IL23R: variants seen among roughly 807,000 people sequenced by gnomAD.
IL23R encodes interleukin-23 receptor.
In IL23R, 34 loss-of-function variants were observed where a neutral mutation model predicts 56.9. That is an observed-to-expected ratio of 0.60 (90% CI 0.45 to 0.80). The LOEUF (loss-of-function observed/expected upper bound fraction) is 0.80, where lower values mean the gene tolerates loss of function less well. Ranked by LOEUF, IL23R falls within the 30% of genes least tolerant of loss-of-function variation. The pLI is 0.00. For missense variants in IL23R, 635 were observed against 730.0 expected (o/e 0.87, Z 1.50); for synonymous variants, 230 against 249.2 (o/e 0.92, Z 0.73).
At chr1:67,140,443 A>T (rs1646626118) in intron 1 of IL23R, among the ~76,000 whole-genome samples, 1 of 152,192 alleles carries the variant, frequency 6.6e-6, no homozygotes. Context: ...CCTACAAATG[A>T]TCATTAATTA....
intron 9 of IL23R, among the ~76,000 whole-genome samples, chr1:67,252,480 G>A (rs1553299110): frequency 6.6e-6 from 1 of 151,824 alleles, no homozygotes; most frequent in Non-Finnish European, 1.5e-5. Context: ...ACAGGAATTT[G>A]CTCAAAGAAA....
chr1:67,218,400 C>T (rs1053010928), intron 6 of IL23R, among the ~76,000 whole-genome samples: 1 of 147,942 alleles, frequency 6.8e-6, no homozygotes, highest in Non-Finnish European at 1.5e-5. Context: ...CTTGTAGAAT[C>T]TGCAATAACC....
intron 4 of IL23R, among the ~76,000 whole-genome samples, chr1:67,188,307 C>A (rs1184610419): frequency 6.6e-6 from 1 of 151,722 alleles, no homozygotes; most frequent in Non-Finnish European, 1.5e-5. Flanking sequence ...CAAAGGAGTT[C>A]CTCCTGTGGA....
At chr1:67,205,905 TTCTTTCTTTC>T (rs1443641592) in intron 5 of IL23R, among the ~76,000 whole-genome samples, 2 of 124,150 alleles carry the variant, frequency 1.6e-5, no homozygotes, top group Non-Finnish European at 3.7e-5. Flanking sequence ...CTTTCTTTCT[TTCTTTCTTTC>T]TTTCTTTCTT....
chr1:67,218,133 T>C (rs1364164049), intron 6 of IL23R, among the ~76,000 whole-genome samples: 1 of 152,132 alleles, frequency 6.6e-6, no homozygotes, highest in Non-Finnish European at 1.5e-5. Flanking sequence ...GGCTCATTTT[T>C]CATTACGTTT....
At chr1:67,240,049 G>T in intron 8 of IL23R, 130 bp from the exon 9 acceptor site, 1 of 718,960 alleles carries the variant, frequency 1.4e-6, no homozygotes. Context: ...CTAAAGTAAA[G>T]GTTAATTTTG....
intron 1 of IL23R, among the ~76,000 whole-genome samples, chr1:67,141,223 T>G (rs1408195750): frequency 1.3e-5 from 2 of 152,228 alleles, no homozygotes; most frequent in Non-Finnish European, 2.9e-5. Flanking sequence ...CCTCAAAAGA[T>G]AGTTATCTTA....
intron 1 of IL23R, among the ~76,000 whole-genome samples, chr1:67,158,755 A>T (rs571214186): frequency 6.6e-6 from 1 of 151,878 alleles, no homozygotes; most frequent in South Asian, 2.1e-4. Flanking sequence ...TAAGGTTTGG[A>T]TTTGTGTGCC....
downstream of IL23R, among the ~76,000 whole-genome samples, chr1:67,264,839 A>G (rs2100407808): frequency 6.6e-6 from 1 of 152,342 alleles, no homozygotes; most frequent in Non-Finnish European, 1.5e-5. Context: ...TTATTATCTA[A>G]TTCTCATAAT....
chr1:67,194,851 T>C (rs931053614), intron 4 of IL23R, among the ~76,000 whole-genome samples: 4 of 152,236 alleles, frequency 2.6e-5, no homozygotes, highest in African/African-American at 9.6e-5. Flanking sequence ...AGTTCTCTGT[T>C]AAGGTATTTA....
intron 7 of IL23R, among the ~76,000 whole-genome samples, chr1:67,226,652 C>T (rs72676089): frequency 1.6e-3 from 246 of 152,230 alleles, no homozygotes; most frequent in Non-Finnish European, 2.9e-3. Flanking sequence ...CTTTTGAGCA[C>T]GAAAACAAGA....
intron 1 of IL23R, among the ~76,000 whole-genome samples, chr1:67,150,923 C>T (rs1646723149): frequency 6.6e-6 from 1 of 152,100 alleles, no homozygotes; most frequent in Non-Finnish European, 1.5e-5. Context: ...TATGTATGTG[C>T]ACGTATCTTT....
At chr1:67,147,010 C>T (rs995220330) in intron 1 of IL23R, among the ~76,000 whole-genome samples, 13 of 152,194 alleles carry the variant, frequency 8.5e-5, no homozygotes, top group East Asian at 3.9e-4. Flanking sequence ...ATTGTTCTAA[C>T]GGGTGAGTAC....
At chr1:67,171,584 G>A (rs1227628585) in intron 3 of IL23R, among the ~76,000 whole-genome samples, 1 of 152,132 alleles carries the variant, frequency 6.6e-6, no homozygotes, top group Non-Finnish European at 1.5e-5. Flanking sequence ...TAAAGCAGAG[G>A]GGATTTCCTT....
At chr1:67,262,986 C>T (rs917547490), downstream of IL23R, among the ~76,000 whole-genome samples, 2 of 152,030 alleles carry the variant, frequency 1.3e-5, no homozygotes, top group African/African-American at 4.8e-5. Context: ...TCTCCCTCTC[C>T]CTCCCTTTTC....
At chr1:67,178,909 T>A (rs1227287047) in intron 3 of IL23R, among the ~76,000 whole-genome samples, 2 of 152,262 alleles carry the variant, frequency 1.3e-5, no homozygotes, top group Non-Finnish European at 2.9e-5. Flanking sequence ...GTTGATATGC[T>A]GGATTACGTT....
At chr1:67,234,958 A>G (rs1039687126) in intron 7 of IL23R, among the ~76,000 whole-genome samples, 5 of 152,040 alleles carry the variant, frequency 3.3e-5, no homozygotes, top group Admixed American at 3.3e-4. Context: ...AGCATCCCAA[A>G]GTGCTGGGAT....
At chr1:67,250,037 C>T (rs910228840) in intron 9 of IL23R, among the ~76,000 whole-genome samples, 2 of 152,134 alleles carry the variant, frequency 1.3e-5, no homozygotes, top group Admixed American at 1.3e-4. Context: ...TGTATTCAAG[C>T]CTTTAGCTTT....
chr1:67,185,192 G>A (rs1039548223), intron 4 of IL23R, among the ~76,000 whole-genome samples: 1 of 152,180 alleles, frequency 6.6e-6, no homozygotes, highest in African/African-American at 2.4e-5. Flanking sequence ...ATAGACAAGG[G>A]AACTGAGACT....
Sources: gnomAD v4.1 joint callset for allele counts (sites outside exome capture counted in the v4.1 genomes callset) on GRCh38, gnomAD v4.1.1 for gene constraint, MANE v1.5 for transcripts, NCBI Gene and HGNC (gene_info 2026-07-23, HGNC 2026-07-21) for gene names.